Variants in FBXL17 observed in about 807,000 individuals in gnomAD.
FBXL17 encodes F-box and leucine rich repeat protein 17.
Under a neutral mutation model 66.2 loss-of-function variants are expected in FBXL17, and 22 were observed. The ratio of observed to expected loss-of-function variants is 0.33; its 90% CI spans 0.24 to 0.47. The LOEUF is 0.47. FBXL17 is among the 20% of genes least tolerant of loss of function. FBXL17 has a pLI of 1.00. For missense variants in FBXL17, 878 were observed against 948.2 expected (o/e 0.93, Z 0.97); for synonymous variants, 474 against 400.5 (o/e 1.18, Z -2.19).
chr5:107,997,175 C>T (rs1218411179), intron 7 of FBXL17, among the ~76,000 whole-genome samples: 1 of 152,188 alleles, frequency 6.6e-6, no homozygotes, highest in East Asian at 1.9e-4. Context: ...GTTTTAAATC[C>T]TGTTTCTACT....
chr5:108,210,584 GA>G (rs1407431012), intron 5 of FBXL17, among the ~76,000 whole-genome samples: 3 of 152,214 alleles, frequency 2.0e-5, no homozygotes, highest in Admixed American at 6.5e-5. Context: ...TAGTCATTCA[GA>G]AGCAGGTTGT....
At chr5:107,904,659 C>G (rs1749694398) in intron 7 of FBXL17, among the ~76,000 whole-genome samples, 1 of 151,968 alleles carries the variant, frequency 6.6e-6, no homozygotes. Context: ...TAAGTAATAT[C>G]CACTGACAGG....
At chr5:108,096,030 T>C (rs1211228104) in intron 6 of FBXL17, among the ~76,000 whole-genome samples, 1 of 152,200 alleles carries the variant, frequency 6.6e-6, no homozygotes, top group Non-Finnish European at 1.5e-5. Flanking sequence ...CATATCAATC[T>C]AGTTATCTTC....
chr5:107,862,280 C>T (rs1357667265), intron 8 of FBXL17, among the ~76,000 whole-genome samples: 8 of 151,594 alleles, frequency 5.3e-5, no homozygotes, highest in African/African-American at 1.9e-4. Flanking sequence ...CACTAGATTC[C>T]AGACAGAAGT....
chr5:107,913,908 T>C (rs1479732006), intron 7 of FBXL17, among the ~76,000 whole-genome samples: 2 of 151,898 alleles, frequency 1.3e-5, no homozygotes, highest in African/African-American at 2.4e-5. Flanking sequence ...ATGGGCATAT[T>C]TGGATGATAT....
chr5:108,197,352 A>C (rs539147913), intron 5 of FBXL17, among the ~76,000 whole-genome samples: 3 of 152,230 alleles, frequency 2.0e-5, no homozygotes, highest in Admixed American at 6.5e-5. Flanking sequence ...GCAAGAAAAG[A>C]CTGCTTCAAC....
intron 4 of FBXL17, among the ~76,000 whole-genome samples, chr5:108,339,688 A>C (rs760311548): frequency 6.6e-6 from 1 of 152,168 alleles, no homozygotes; most frequent in East Asian, 1.9e-4. Context: ...AATCCAAAAG[A>C]AGCATTCTAA....
intron 6 of FBXL17, among the ~76,000 whole-genome samples, chr5:108,078,141 T>G (rs1051224485): frequency 2.0e-5 from 3 of 152,210 alleles, no homozygotes; most frequent in Admixed American, 2.0e-4. Context: ...GCCTACATCA[T>G]ATATACAGGC....
At chr5:108,330,503 T>TTTTG (rs1390384377) in intron 4 of FBXL17, among the ~76,000 whole-genome samples, 1 of 152,188 alleles carries the variant, frequency 6.6e-6, no homozygotes, top group Non-Finnish European at 1.5e-5. Context: ...AGGCCAACTG[T>TTTTG]TTTATTAATA....
chr5:108,256,919 C>T (rs1000642039), intron 4 of FBXL17, among the ~76,000 whole-genome samples: 3 of 151,998 alleles, frequency 2.0e-5, no homozygotes, highest in Non-Finnish European at 4.4e-5. Flanking sequence ...ACACAAAATT[C>T]TTCACTAAAG....
chr5:108,324,959 CAA>C (rs1759782546), intron 4 of FBXL17, among the ~76,000 whole-genome samples: 1 of 151,990 alleles, frequency 6.6e-6, no homozygotes, highest in African/African-American at 2.4e-5. Flanking sequence ...CTAGAGGAAT[CAA>C]AGTCAGAAAG....
intron 6 of FBXL17, among the ~76,000 whole-genome samples, chr5:108,022,400 CAAT>C (rs950594915): frequency 6.6e-6 from 1 of 151,838 alleles, no homozygotes; most frequent in Non-Finnish European, 1.5e-5. Context: ...ACATTACCAA[CAAT>C]AACAACATTT....
chr5:108,079,182 C>T lies in FBXL17; in HGVS notation c.1746-58181G>A, dbSNP rs1348046879. Among the ~76,000 whole-genome samples the T allele has an allele frequency of 3.3e-5, 5 of 149,932 alleles. No individual in the cohort carries two copies. In the South Asian group the frequency reaches 1.0e-3, roughly 31 times the overall value. ...TTTTTTTTTTTTTTTATTAATCTGCCTTTTGTGAGTTGATTTTTTTAGCCA... is the reference window on the plus strand; with the variant it reads ...TTTTTTTTTTTTTTTATTAATCTGCTTTTTGTGAGTTGATTTTTTTAGCCA... On this transcript the variant is annotated intron_variant, in intron 6 of 8. Transcript: ENST00000542267.
chr5:107,940,611 A>G (rs1356705137), intron 7 of FBXL17, among the ~76,000 whole-genome samples: 1 of 152,098 alleles, frequency 6.6e-6, no homozygotes, highest in East Asian at 1.9e-4. Context: ...GAGAAAATGA[A>G]GTAGTTGGAG....
At chr5:107,883,296 G>T (rs1460041590) in intron 7 of FBXL17, among the ~76,000 whole-genome samples, 2 of 152,164 alleles carry the variant, frequency 1.3e-5, no homozygotes, top group Admixed American at 6.5e-5. Flanking sequence ...GATAGTAAGT[G>T]GGGGAGTGGA....
At chr5:108,079,542 T>A (rs981859003) in intron 6 of FBXL17, among the ~76,000 whole-genome samples, 4 of 152,236 alleles carry the variant, frequency 2.6e-5, no homozygotes, top group African/African-American at 9.6e-5. Flanking sequence ...TATGTTTTAA[T>A]CCTCTGTATT....
chr5:108,345,421 G>T (rs1747208913), intron 4 of FBXL17, among the ~76,000 whole-genome samples: 2 of 151,300 alleles, frequency 1.3e-5, no homozygotes, highest in South Asian at 4.2e-4. Context: ...GCAAATCATT[G>T]TCCTCACTTT....
At chr5:108,228,836 T>C (rs992496020) in intron 4 of FBXL17, among the ~76,000 whole-genome samples, 28 of 152,198 alleles carry the variant, frequency 1.8e-4, no homozygotes, top group African/African-American at 6.3e-4. Flanking sequence ...AGGTGAAAGT[T>C]TGTTACTGAC....
chr5:108,123,626 G>A (rs565877048), intron 6 of FBXL17, among the ~76,000 whole-genome samples: 12 of 152,158 alleles, frequency 7.9e-5, no homozygotes, highest in Non-Finnish European at 1.5e-4. Flanking sequence ...CTGAATGAAA[G>A]CAAACTTTAG....
Sources: gnomAD v4.1 joint callset for allele counts (sites outside exome capture counted in the v4.1 genomes callset) on GRCh38, gnomAD v4.1.1 for gene constraint, MANE v1.5 for transcripts, NCBI Gene and HGNC (gene_info 2026-07-23, HGNC 2026-07-21) for gene names.